The following HRC variants were observed in gnomAD, a reference collection of about 807,000 sequenced individuals.
The protein encoded by HRC is sarcoplasmic reticulum histidine-rich calcium-binding protein.
Under a neutral mutation model 61.4 loss-of-function variants are expected in HRC, and 41 were observed. The observed-to-expected ratio is 0.67, with a 90% confidence interval of 0.52 to 0.87. HRC has a LOEUF of 0.87. Among genes scored for constraint, HRC ranks in the 40% least tolerant of loss-of-function variants. The probability of loss-of-function intolerance (pLI) is 0.00; values close to 1 mark genes in which losing one functional copy is unlikely to be tolerated. For synonymous variants in HRC, 308 were observed against 326.6 expected (o/e 0.94, Z 0.62); for missense variants, 839 against 885.8 (o/e 0.95, Z 0.67).
rs375450653 is a variant in HRC, at chr19:49,153,450, C to T, written c.1788G>A (p.Glu596=). The part of the protein sequence containing the change: ...IIPNPLDRRE[E]AGGASSEEES... Reference sequence around the variant, plus strand: ...CCTCCTCGCTGGAGGCACCTCCAGCCTCCTCTCTCCTGTCCAGTGGGTTGG... The same window carrying T: ...CCTCCTCGCTGGAGGCACCTCCAGCTTCCTCTCTCCTGTCCAGTGGGTTGG... Residue 596 remains glutamate (E), a synonymous_variant, in exon 1 of 6, where the codon GAG becomes GAA. Coordinates refer to ENST00000252825, the MANE Select transcript of HRC (RefSeq NM_002152.3). The surrounding 1 kb of genome is among the most constrained non-coding windows in gnomAD (Gnocchi z 4.8). 46 of 1,603,546 alleles carry T rather than the reference C, an allele frequency of 2.9e-5. No individual in the cohort carries two copies. The highest frequency in any genetic ancestry group is 3.6e-5 in the Non-Finnish European group (42 of 1,173,620).
At position 49,154,029 on chromosome 19, in the gene HRC, T is replaced by G; in HGVS notation, c.1209A>C (p.Glu403Asp). The change falls in exon 1 of 6, where the codon GAA becomes GAC. Residue 403 changes from glutamate to aspartate, a missense_variant. Transcript: ENST00000252825. Reference sequence around the variant, plus strand: ...TTTTATACTCATCTTGGAAGTCCTCTTCATCACTCTTGTGGCCTCGAGGTT... The same window carrying G: ...TTTTATACTCATCTTGGAAGTCCTCGTCATCACTCTTGTGGCCTCGAGGTT... ...SHQPRGHKSDEEDFQDEYKTE... is the reference protein window; with the variant it reads ...SHQPRGHKSDDEDFQDEYKTE... The G allele has an allele frequency of 1.2e-6, 2 of 1,614,134 alleles. No homozygotes were observed. The highest frequency in any genetic ancestry group is 2.2e-5 in the South Asian group (2 of 91,076).
rs1307879784 is a variant in HRC at position 49,153,037 on chromosome 19, C to A, written c.1902+224G>T. Among the ~76,000 whole-genome samples the A allele has an allele frequency of 6.6e-6, 1 of 152,158 alleles. No homozygotes were observed. The highest frequency in any genetic ancestry group is 2.4e-5 in the African/African-American group (1 of 41,438). ...CCACAGACCCCTGTCTCTGTCCCCA[C>A]ACCCCAAGATGCAGCTTGGGTCTTG... On this transcript the variant is annotated intron_variant, in intron 2 of 5. Transcript: ENST00000252825. The surrounding 1 kb of genome is among the most constrained non-coding windows in gnomAD (Gnocchi z 4.8).
At position 49,152,367 on chromosome 19, in the gene HRC, T is replaced by TA. The variant is rs758108322; in HGVS notation, c.1913_1914insT (p.Glu638AspfsTer3). ...CCTCATCACAGTGACAGCTCTCACA[T>TA]TCAGTGCATCGCTGGGGACCGGGGG... On this transcript the variant is annotated frameshift_variant, in exon 3 of 6. Coordinates refer to ENST00000252825, the MANE Select transcript of HRC (RefSeq NM_002152.3). LOFTEE classifies it high-confidence loss of function. 2.5e-6 allele frequency: 4 copies of TA among 1,613,540 alleles called. No individual in the cohort carries two copies. The African/African-American group carries it at 5.3e-5, about 22-fold the overall frequency.
rs200112141 is a variant in HRC, at chr19:49,152,042, T to G, written c.1988A>C (p.Tyr663Ser). The G allele has an allele frequency of 6.8e-6, 11 of 1,614,118 alleles. No homozygotes were observed. The highest frequency in any genetic ancestry group is 4.0e-5 in the African/African-American group (3 of 75,046). ...CGTTTCGCAGACCAGCGGGCAGAGA[T>G]AGCAGAACTGACAGTGCTGGAGGCG... ...CDQCQHCQFC[Y>S]LCPLVCETVC... Residue 663 changes from tyrosine (Y) to serine (S), a missense_variant, in exon 4 of 6, where the codon TAT (tyrosine) becomes TCT (serine). Coordinates refer to ENST00000252825, the MANE Select transcript of HRC (RefSeq NM_002152.3).
rs542862175 is a variant in HRC at position 49,153,965 on chromosome 19, C to T, written c.1273G>A (p.Glu425Lys). Reference sequence around the variant, plus strand: ...TCAGCAGAGACCTCCTCATCTTCCTCCCTGGGGACTCTGTGGTGGTGATGG... The same window carrying T: ...TCAGCAGAGACCTCCTCATCTTCCTTCCTGGGGACTCTGTGGTGGTGATGG... ...PHHHHHRVPR[E>K]EDEEVSAELG... Residue 425 changes from glutamate (E) to lysine (K), a missense_variant, in exon 1 of 6, where the codon GAG (glutamate) becomes AAG (lysine). Transcript: ENST00000252825. This position sits in a 1 kb window ranked among gnomAD's most constrained non-coding sequence, Gnocchi z 4.8. 1.9e-5 allele frequency: 31 copies of T among 1,613,622 alleles called. No homozygotes were observed. The South Asian group carries it at 3.4e-4, about 18-fold the overall frequency.
In HRC at chr19:49,153,378, T is replaced by C. The variant is rs1174946187; in HGVS notation, c.1831+29A>G. ...AGTGACCCAGGCTGACTCGGTTCCT[T>C]CCCACCCACACCAGCCCAGGCCACT... On this transcript the variant is annotated intron_variant, in intron 1 of 5. Coordinates refer to ENST00000252825, the MANE Select transcript of HRC (RefSeq NM_002152.3). The surrounding 1 kb of genome is among the most constrained non-coding windows in gnomAD (Gnocchi z 4.8). 2 of 1,612,488 alleles carry C rather than the reference T, an allele frequency of 1.2e-6. No homozygotes were observed. The highest frequency in any genetic ancestry group is 1.1e-5 in the South Asian group (1 of 91,026).
Position 49,154,356 on chromosome 19 carries a change from G to T in HRC, c.882C>A (p.Ser294Arg), listed in dbSNP as rs139858400. Residue 294 changes from serine (S) to arginine (R), a missense_variant, in exon 1 of 6, where the codon AGC becomes AGA. Transcript: ENST00000252825. The part of the protein sequence containing the change: ...VSDGHHHRDP[S>R]HRHRSHEEDD... ...CTTCTTCATGGCTTCGGTGCCTGTGGCTGGGGTCGCGATGATGGTGTCCAT... is the reference window on the plus strand; with the variant it reads ...CTTCTTCATGGCTTCGGTGCCTGTGTCTGGGGTCGCGATGATGGTGTCCAT... 1.5e-3 allele frequency: 2,465 copies of T among 1,606,594 alleles called. 7 individuals carry two copies. The highest frequency in any genetic ancestry group is 7.3e-3 in the Middle Eastern group (44 of 6,044).
rs2041393292 is a variant in HRC at position 49,154,315 on chromosome 19, T to G, written c.923A>C (p.Asp308Ala). 1 of 1,613,256 alleles carries G rather than the reference T, an allele frequency of 6.2e-7. No homozygotes were observed. Among genetic ancestry groups the G allele is most frequent in the Non-Finnish European group, 8.5e-7 (1 of 1,179,786 alleles). ...RSHEEDDNDD[D>A]DVSTEYGHQA... ...GTGTCCATACTCAGTGGAGACATCA[T>G]CATCATCATTGTCATCTTCTTCATG... Residue 308 changes from aspartate to alanine, a missense_variant, in exon 1 of 6, where the codon GAT (aspartate) becomes GCT (alanine). Physicochemically the swap from Asp to Ala is moderately radical, Grantham distance 126 (BLOSUM62 -2). Transcript: ENST00000252825.
rs769878344 is a variant in HRC, at chr19:49,152,322, G to T, written c.1959C>A (p.Cys653Ter). 6.2e-7 allele frequency: 1 copy of T among 1,612,840 alleles called. No homozygotes were observed. Among genetic ancestry groups the T allele is most frequent in the South Asian group, 1.1e-5 (1 of 91,020 alleles). Residue 653 changes from cysteine (C) to a stop codon, truncating the protein, a stop_gained, in exon 3 of 6, where the codon TGC becomes TGA. Coordinates refer to ENST00000252825, the MANE Select transcript of HRC (RefSeq NM_002152.3). LOFTEE classifies it high-confidence loss of function. ...GGTGAGGTCTCACCTGGCACTGGTC[G>T]CAGTGCTCACCCATGTTCTCCTCAT... ...HCDEENMGEH[C>*]DQCQHCQFCY...
intron 3 of HRC, 92 bp from the exon 4 acceptor site, chr19:49,152,150 A>G (rs765180931): frequency 6.8e-6 from 9 of 1,318,028 alleles, no homozygotes; most frequent in Non-Finnish European, 9.9e-6. Flanking sequence ...ACCAGAGGCT[A>G]GGTCTAGGTT....
rs535875057 is a variant in HRC at position 49,152,567 on chromosome 19, C to CT, written c.1903-190dup. 2.9e-3 allele frequency among the ~76,000 whole-genome samples: 430 copies of CT among 150,264 alleles called. 3 individuals carry two copies. Among genetic ancestry groups the CT allele is most frequent in the African/African-American group, 0.01 (415 of 40,868 alleles). On this transcript the variant is annotated intron_variant, in intron 2 of 5. Transcript: ENST00000252825. ...CCTGCCCCTGGTTTCCTTCCTTTCC[C>CT]TTTTTTTCCTTTTTTTTCTTGAGGC...
chr19:49,151,598 C>CAA (rs772714032), intron 4 of HRC, 45 bp from the exon 5 acceptor site: 5 of 1,569,224 alleles, frequency 3.2e-6, no homozygotes, highest in Admixed American at 3.4e-5. Context: ...ACTGCACGAG[C>CAA]AAAATTAGGC....
chr19:49,154,425 G>C lies in HRC; in HGVS notation c.813C>G (p.His271Gln), dbSNP rs767273649. Reference protein sequence around the residue: ...DVSIEYRHQAHRHQGHGIEED... With the variant: ...DVSIEYRHQAQRHQGHGIEED... Reference sequence around the variant, plus strand: ...CTTCAATCCCGTGGCCTTGGTGCCTGTGAGCCTGGTGTCTATATTCAATGG... The same window carrying C: ...CTTCAATCCCGTGGCCTTGGTGCCTCTGAGCCTGGTGTCTATATTCAATGG... Residue 271 changes from histidine to glutamine, a missense_variant, in exon 1 of 6, where the codon CAC becomes CAG. Coordinates refer to ENST00000252825, the MANE Select transcript of HRC (RefSeq NM_002152.3). 6.3e-7 allele frequency: 1 copy of C among 1,587,874 alleles called. No homozygotes were observed. The highest frequency in any genetic ancestry group is 8.6e-7 in the Non-Finnish European group (1 of 1,161,602).
intron 2 of HRC, among the ~76,000 whole-genome samples, chr19:49,152,726 C>T (rs12977714): frequency 0.35 from 53,006 of 151,190 alleles, 10,828 homozygotes; most frequent in South Asian, 0.46. Context: ...CGTGCCACCA[C>T]GCCCGGCTAA....
rs746925821 is a variant in HRC, at chr19:49,153,766, T to G, written c.1472A>C (p.Asp491Ala). 2 of 1,613,998 alleles carry G rather than the reference T, an allele frequency of 1.2e-6. No homozygotes were observed. Among genetic ancestry groups the G allele is most frequent in the Admixed American group, 1.7e-5 (1 of 59,982 alleles). The change falls in exon 1 of 6, where the codon GAC becomes GCC. Residue 491 changes from aspartate to alanine, a missense_variant. By Grantham distance (126) the Asp-to-Ala change is moderately radical (BLOSUM62 -2). Transcript: ENST00000252825. The surrounding 1 kb of genome is among the most constrained non-coding windows in gnomAD (Gnocchi z 4.8). ...DSEEEKEKEE[D>A]PGSHEEDDES... ...ATCGTCTTCCTCATGGGAGCCGGGG[T>G]CCTCTTCCTTCTCCTTTTCCTCCTC...
Position 49,154,646 on chromosome 19 carries a change from C to CCTCCTA in HRC, c.591_592insTAGGAG (p.Glu197_Glu198insTer), listed in dbSNP as rs1285822073. The CCTCCTA allele has an allele frequency of 6.2e-7, 1 of 1,604,250 alleles. No homozygotes were observed. The highest frequency in any genetic ancestry group is 8.5e-7 in the Non-Finnish European group (1 of 1,172,548). On this transcript the variant is annotated stop_gained and inframe_insertion, in exon 1 of 6. Coordinates refer to ENST00000252825, the MANE Select transcript of HRC (RefSeq NM_002152.3). LOFTEE classifies it high-confidence loss of function. ...GAGGCCTCCTCTTCCTCCTCCTCCT[C>CCTCCTA]CTCCTCCTCCTCTTCTCCTTCATCA... is the stretch of plus-strand genomic sequence containing the variant.
In HRC at chr19:49,154,038, C is replaced by T; in HGVS notation, c.1200G>A (p.Lys400=). The T allele has an allele frequency of 6.2e-7, 1 of 1,614,148 alleles. No individual in the cohort carries two copies. Among genetic ancestry groups the T allele is most frequent in the Non-Finnish European group, 8.5e-7 (1 of 1,180,054 alleles). Residue 400 remains lysine, a synonymous_variant, in exon 1 of 6, where the codon AAG becomes AAA. Coordinates refer to ENST00000252825, the MANE Select transcript of HRC (RefSeq NM_002152.3). ...CATCTTGGAAGTCCTCTTCATCACTCTTGTGGCCTCGAGGTTGGTGGCTTG... is the reference window on the plus strand; with the variant it reads ...CATCTTGGAAGTCCTCTTCATCACTTTTGTGGCCTCGAGGTTGGTGGCTTG... ...YVASHQPRGH[K]SDEEDFQDEY...
Position 49,154,452 on chromosome 19 carries a change from G to GGC in HRC, c.785_786insGC (p.Ser263ProfsTer113). 6.4e-7 allele frequency: 1 copy of GGC among 1,560,146 alleles called. No individual in the cohort carries two copies. The highest frequency in any genetic ancestry group is 8.7e-7 in the Non-Finnish European group (1 of 1,147,650). On this transcript the variant is annotated frameshift_variant, in exon 1 of 6. Transcript: ENST00000252825. LOFTEE classifies it high-confidence loss of function. ...GAGCCTGGTGTCTATATTCAATGGA[G>GGC]ACATCATCATCATCATCATCATCAT...
At position 49,155,141 on chromosome 19, in the gene HRC, C is replaced by G; in HGVS notation, c.97G>C (p.Asp33His). The change falls in exon 1 of 6, where the codon GAT becomes CAT. Residue 33 changes from aspartate (D) to histidine (H), a missense_variant. Asp to His is a moderately conservative substitution (Grantham distance 81). Transcript: ENST00000252825. The surrounding 1 kb of genome is among the most constrained non-coding windows in gnomAD (Gnocchi z 4.7). ...TTCCGGTTTCTGAAGCCTAGCCCAT[C>G]CCCTCTGAGCTGCTGGGTCATGGCC... ...PPAMTQQLRG[D>H]GLGFRNRNNS... 6.2e-7 allele frequency: 1 copy of G among 1,613,966 alleles called. No individual in the cohort carries two copies. The highest frequency in any genetic ancestry group is 8.5e-7 in the Non-Finnish European group (1 of 1,180,004).
Sources: allele counts gnomAD v4.1 joint callset (sites outside exome capture counted in the v4.1 genomes callset), GRCh38; gene constraint gnomAD v4.1.1; non-coding constraint Gnocchi (gnomAD v3.1); transcripts MANE v1.5; gene names NCBI Gene and HGNC (gene_info 2026-07-23, HGNC 2026-07-21).